Variants in MDFI observed in about 807,000 individuals in gnomAD.
MDFI encodes the protein inhibitor of MyoD family a.
In MDFI, 16 loss-of-function variants were observed where a neutral mutation model predicts 22.3. That is an observed-to-expected ratio of 0.72 (90% CI 0.49 to 1.09). The LOEUF is 1.09. Ranked by LOEUF, MDFI falls within the 50% of genes least tolerant of loss-of-function variation. The probability of loss-of-function intolerance (pLI) is 0.00; values close to 1 mark genes in which losing one functional copy is unlikely to be tolerated. For missense variants in MDFI, 314 were observed against 326.1 expected (o/e 0.96, Z 0.29); for synonymous variants, 145 against 142.7 (o/e 1.02, Z -0.12).
At chr6:41,644,925 G>A (rs1767990960) in intron 2 of MDFI, among the ~76,000 whole-genome samples, 1 of 151,122 alleles carries the variant, frequency 6.6e-6, no homozygotes, top group South Asian at 2.1e-4. Context: ...GTCCCCCTCT[G>A]TGTCACTCTG....
At chr6:41,649,974 C>A in intron 4 of MDFI, 131 bp downstream of exon 4, 1 of 771,576 alleles carries the variant, frequency 1.3e-6, no homozygotes, top group Non-Finnish European at 2.0e-6. Context: ...CCTCCTTCCA[C>A]GCCTACTGGA....
chr6:41,642,212 C>T (rs1267712130), intron 2 of MDFI, among the ~76,000 whole-genome samples: 5 of 152,086 alleles, frequency 3.3e-5, no homozygotes, highest in African/African-American at 1.2e-4. Flanking sequence ...GGAGCAGGTG[C>T]GCAGTTGGGT....
chr6:41,652,147 G>C (rs1768293909), intron 4 of MDFI, among the ~76,000 whole-genome samples: 1 of 152,218 alleles, frequency 6.6e-6, no homozygotes, highest in Non-Finnish European at 1.5e-5. Context: ...GAAGCGGGTG[G>C]TGGAAGGCCT....
At chr6:41,645,432 G>A (rs143841342) in intron 2 of MDFI, among the ~76,000 whole-genome samples, 25 of 152,046 alleles carry the variant, frequency 1.6e-4, no homozygotes, top group Non-Finnish European at 3.1e-4. Context: ...TGCTCCGGCC[G>A]GCTCCTTGTC....
chr6:41,646,061 G>A, intron 2 of MDFI, 65 bp from the exon 3 acceptor site: 1 of 1,370,968 alleles, frequency 7.3e-7, no homozygotes, highest in Non-Finnish European at 9.6e-7. Flanking sequence ...GTGGGGCGGG[G>A]CCCACGGCTG....
At chr6:41,642,111 AGAG>A (rs1767873313) in intron 2 of MDFI, among the ~76,000 whole-genome samples, 1 of 152,138 alleles carries the variant, frequency 6.6e-6, no homozygotes, top group African/African-American at 2.4e-5. Flanking sequence ...GCCACCCTTG[AGAG>A]GAGGAGTACA....
chr6:41,640,081 C>T (rs1036745555), intron 2 of MDFI, among the ~76,000 whole-genome samples: 1 of 152,218 alleles, frequency 6.6e-6, no homozygotes, highest in Non-Finnish European at 1.5e-5. Context: ...GCCCCTGCAA[C>T]GGGGCCTTCT....
chr6:41,648,733 C>T (rs947531334), intron 3 of MDFI, among the ~76,000 whole-genome samples: 3 of 152,176 alleles, frequency 2.0e-5, no homozygotes, highest in African/African-American at 7.2e-5. Flanking sequence ...CGCACTCCCC[C>T]CACCATACAC....
At chr6:41,639,630 A>G (rs1767775425) in intron 2 of MDFI, 17 of 985,174 alleles carry the variant, frequency 1.7e-5, no homozygotes, top group Admixed American at 6.2e-5. Flanking sequence ...GAAGTCAGGA[A>G]CCTCTGGGAT....
intron 3 of MDFI, among the ~76,000 whole-genome samples, chr6:41,647,718 C>T (rs1768103063): frequency 6.6e-6 from 1 of 152,036 alleles, no homozygotes; most frequent in African/African-American, 2.4e-5. Flanking sequence ...GTTTTCTCAT[C>T]TGTGAAATGG....
At chr6:41,643,980 C>T (rs948082327) in intron 2 of MDFI, among the ~76,000 whole-genome samples, 16 of 152,052 alleles carry the variant, frequency 1.1e-4, no homozygotes, top group Non-Finnish European at 1.9e-4. Flanking sequence ...TAGCAAGGTG[C>T]CTCTGGGGGC....
intron 2 of MDFI, among the ~76,000 whole-genome samples, chr6:41,643,796 A>T (rs1028676520): frequency 4.6e-5 from 7 of 152,040 alleles, no homozygotes; most frequent in Admixed American, 2.6e-4. Flanking sequence ...GTGGCATGAG[A>T]TTAGGACTGC....
chr6:41,652,687 C>T (rs1768319071), intron 4 of MDFI, among the ~76,000 whole-genome samples: 1 of 141,340 alleles, frequency 7.1e-6, no homozygotes, highest in African/African-American at 2.6e-5. Flanking sequence ...GATCTCGGCT[C>T]ACTACTACAG....
intron 2 of MDFI, among the ~76,000 whole-genome samples, chr6:41,644,187 A>C (rs1178367065): frequency 6.6e-6 from 1 of 152,156 alleles, no homozygotes; most frequent in Non-Finnish European, 1.5e-5. Context: ...CTGATCGTCC[A>C]AAAGCTATTT....
rs538495726 is a variant in MDFI, at chr6:41,638,621, G to C, written c.-43G>C. On this transcript the variant is annotated 5_prime_UTR_variant, in exon 1 of 5. Transcript: ENST00000230321. The surrounding 1 kb of genome is among the most constrained non-coding windows in gnomAD (Gnocchi z 7.6). ...CATGGCGGGCCCCGCGCGGGGATCC[G>C]GCTGGAAGAGAGCGTAGCACGGCTC... 6.6e-4 allele frequency: 760 copies of C among 1,154,886 alleles called. 7 individuals carry two copies. In the East Asian group the frequency reaches 0.019, roughly 30 times the overall value. 71.5% of individuals were successfully genotyped at this position (1,154,886 alleles called of 1,614,324 possible). A position where few individuals can be genotyped will look rare whatever the true frequency, so the allele number is the denominator to read the frequency against.
At position 41,653,581 on chromosome 6, in the gene MDFI, T is replaced by G; in HGVS notation, c.*6T>G. 2.5e-6 allele frequency: 4 copies of G among 1,599,308 alleles called. No homozygotes were observed. The African/African-American group carries it at 5.3e-5, about 21-fold the overall frequency. ...GGCTCTGCTTCTCCTCCTGAGCCTC[T>G]GTCGGGGGCTAAGCCAGCCTGGCGC... On this transcript the variant is annotated 3_prime_UTR_variant, in exon 5 of 5. Transcript: ENST00000230321. The surrounding 1 kb of genome is among the most constrained non-coding windows in gnomAD (Gnocchi z 4.2).
rs1283816396 is a variant in MDFI at position 41,649,681 on chromosome 6, T to A, written c.322T>A (p.Ser108Thr). ...PLLPNDSGHP[S>T]ELGGTRRAGN... ...TCTGCCGAATGACTCTGGCCACCCC[T>A]CAGAGCTGGGCGGCACCAGACGGGC... The change falls in exon 4 of 5, where the codon TCA (serine) becomes ACA (threonine). Residue 108 changes from serine to threonine, a missense_variant. Transcript: ENST00000230321. 6.2e-7 allele frequency: 1 copy of A among 1,613,646 alleles called. No homozygotes were observed. The highest frequency in any genetic ancestry group is 8.5e-7 in the Non-Finnish European group (1 of 1,179,814).
At chr6:41,650,664 C>T (rs1333953103) in intron 4 of MDFI, among the ~76,000 whole-genome samples, 1 of 148,314 alleles carries the variant, frequency 6.7e-6, no homozygotes, top group South Asian at 2.1e-4. Context: ...ACCTCCTTCT[C>T]CCGGGTTCAA....
At chr6:41,649,544 C>A in intron 3 of MDFI, 75 bp from the exon 4 acceptor site, 1 of 1,333,358 alleles carries the variant, frequency 7.5e-7, no homozygotes, top group Non-Finnish European at 1.0e-6. Flanking sequence ...ATGCAGCAGG[C>A]AGGATTCGAG....
Sources: allele counts gnomAD v4.1 joint callset (sites outside exome capture counted in the v4.1 genomes callset), GRCh38; gene constraint gnomAD v4.1.1; non-coding constraint Gnocchi (gnomAD v3.1); transcripts MANE v1.5; gene names NCBI Gene and HGNC (gene_info 2026-07-23, HGNC 2026-07-21).